The following COMMD1 variants were observed in gnomAD, a reference collection of about 807,000 sequenced individuals.
COMMD1 encodes COMM domain-containing protein 1.
Under a neutral mutation model 17.2 loss-of-function variants are expected in COMMD1, and 10 were observed. That is an observed-to-expected ratio of 0.58 (90% CI 0.36 to 0.99). The LOEUF is 0.99. Among genes scored for constraint, COMMD1 ranks in the 50% least tolerant of loss-of-function variants. The pLI is 0.01. For synonymous variants in COMMD1, 97 were observed against 91.6 expected (o/e 1.06, Z -0.34); for missense variants, 270 against 231.8 (o/e 1.17, Z -1.07).
chr2:61,977,801 A>G (rs1671845553), intron 1 of COMMD1, among the ~76,000 whole-genome samples: 1 of 151,952 alleles, frequency 6.6e-6, no homozygotes, highest in African/African-American at 2.4e-5. Flanking sequence ...AGCCTGGCCC[A>G]TGTGGTGAAA....
chr2:61,959,476 G>T (rs1362673912), intron 1 of COMMD1, among the ~76,000 whole-genome samples: 2 of 152,118 alleles, frequency 1.3e-5, no homozygotes, highest in Non-Finnish European at 2.9e-5. Flanking sequence ...AAACCTTAGG[G>T]CAGGCATTTT....
chr2:61,914,770 A>T (rs1287298119), intron 1 of COMMD1, among the ~76,000 whole-genome samples: 6 of 151,378 alleles, frequency 4.0e-5, no homozygotes, highest in Non-Finnish European at 1.5e-5. Context: ...GGCTCACTGC[A>T]ACCTCCGCAT....
At chr2:62,040,278 C>T (rs913220477) in intron 2 of COMMD1, among the ~76,000 whole-genome samples, 1 of 151,928 alleles carries the variant, frequency 6.6e-6, no homozygotes, top group African/African-American at 2.4e-5. Context: ...GAAAAAGTAC[C>T]TATTATATGC....
intron 1 of COMMD1, among the ~76,000 whole-genome samples, chr2:61,985,259 C>T (rs1263412140): frequency 6.6e-6 from 1 of 152,060 alleles, no homozygotes; most frequent in Non-Finnish European, 1.5e-5. Flanking sequence ...ACCGTGTTAG[C>T]CAGGATGGTC....
intron 1 of COMMD1, among the ~76,000 whole-genome samples, chr2:61,960,168 T>C (rs779336784): frequency 5.9e-5 from 9 of 152,142 alleles, no homozygotes; most frequent in Non-Finnish European, 1.2e-4. Context: ...AGCAATCTTA[T>C]AGTAAGAAAT....
At chr2:62,033,427 G>C in intron 2 of COMMD1, among the ~76,000 whole-genome samples, 1 of 152,118 alleles carries the variant, frequency 6.6e-6, no homozygotes, top group East Asian at 1.9e-4. Context: ...ATAGCCTTGG[G>C]AGAGAACAGA....
intron 1 of COMMD1, among the ~76,000 whole-genome samples, chr2:61,960,673 T>C (rs1671317625): frequency 6.6e-6 from 1 of 152,214 alleles, no homozygotes; most frequent in Non-Finnish European, 1.5e-5. Flanking sequence ...GCTAACATCA[T>C]GTCTAGGGCT....
chr2:62,005,280 C>T (rs1252575148), intron 2 of COMMD1, among the ~76,000 whole-genome samples: 1 of 152,178 alleles, frequency 6.6e-6, no homozygotes, highest in Non-Finnish European at 1.5e-5. Flanking sequence ...TATATGTTGG[C>T]ATATTGCTTG....
intron 2 of COMMD1, among the ~76,000 whole-genome samples, chr2:62,082,060 A>T (rs891428653): frequency 2.6e-5 from 4 of 152,222 alleles, no homozygotes; most frequent in African/African-American, 7.2e-5. Flanking sequence ...TCGTTGGACC[A>T]CAGAATTAAC....
intron 1 of COMMD1, among the ~76,000 whole-genome samples, chr2:61,946,774 C>T (rs1036463373): frequency 2.0e-5 from 3 of 151,982 alleles, no homozygotes; most frequent in Admixed American, 1.3e-4. Flanking sequence ...TTTTTTTCTT[C>T]CACATTTCCT....
At chr2:62,096,797 A>G (rs1208905414) in intron 2 of COMMD1, among the ~76,000 whole-genome samples, 3 of 152,246 alleles carry the variant, frequency 2.0e-5, no homozygotes, top group African/African-American at 7.2e-5. Flanking sequence ...TGTGTCCCCT[A>G]AAACGAAGCC....
intron 1 of COMMD1, among the ~76,000 whole-genome samples, chr2:61,891,801 T>C (rs1669438199): frequency 6.6e-6 from 1 of 151,744 alleles, no homozygotes; most frequent in South Asian, 2.1e-4. Flanking sequence ...AGGGTAAAAA[T>C]GTTTTTAAAA....
chr2:62,115,273 G>A (rs544665931), intron 2 of COMMD1, among the ~76,000 whole-genome samples: 1 of 152,340 alleles, frequency 6.6e-6, no homozygotes, highest in South Asian at 2.1e-4. Flanking sequence ...AATCACTGGG[G>A]AGAGGAACTA....
At chr2:61,890,768 A>C (rs1232124998) in intron 1 of COMMD1, among the ~76,000 whole-genome samples, 4 of 147,246 alleles carry the variant, frequency 2.7e-5, no homozygotes, top group African/African-American at 1.0e-4. Context: ...TGGAGGTTGC[A>C]GTGAGCCGAG....
chr2:62,107,713 T>C (rs938868104), intron 2 of COMMD1, among the ~76,000 whole-genome samples: 1 of 152,234 alleles, frequency 6.6e-6, no homozygotes, highest in South Asian at 2.1e-4. Context: ...AATTTACTTA[T>C]AATGTGGTTA....
intron 1 of COMMD1, among the ~76,000 whole-genome samples, chr2:61,960,143 A>G (rs1573003717): frequency 6.6e-6 from 1 of 152,240 alleles, no homozygotes; most frequent in East Asian, 1.9e-4. Flanking sequence ...GTACACACAC[A>G]CTGTAATAGT....
intron 2 of COMMD1, among the ~76,000 whole-genome samples, chr2:62,107,850 T>C (rs1300435185): frequency 2.0e-5 from 3 of 152,166 alleles, no homozygotes; most frequent in Admixed American, 6.6e-5. Context: ...AGATATGAAA[T>C]GTAGTGATCC....
chr2:61,990,412 C>T (rs1672215959), intron 1 of COMMD1, among the ~76,000 whole-genome samples: 2 of 152,080 alleles, frequency 1.3e-5, no homozygotes, highest in African/African-American at 4.8e-5. Flanking sequence ...AGAGACTGGG[C>T]ACACTGCCTG....
At chr2:62,085,405 G>C (rs1553388808) in intron 2 of COMMD1, among the ~76,000 whole-genome samples, 1 of 151,986 alleles carries the variant, frequency 6.6e-6, no homozygotes, top group Non-Finnish European at 1.5e-5. Flanking sequence ...TTTTAGTAGA[G>C]ACGGGGTTTC....
Sources: allele counts gnomAD v4.1 joint callset (sites outside exome capture counted in the v4.1 genomes callset), GRCh38; gene constraint gnomAD v4.1.1; transcripts MANE v1.5; gene names NCBI Gene and HGNC (gene_info 2026-07-23, HGNC 2026-07-21).